The following FBXL16 variants were observed in gnomAD, a reference collection of about 807,000 sequenced individuals.
The protein encoded by FBXL16 is F-box/LRR-repeat protein 16.
Under a neutral mutation model 36.7 loss-of-function variants are expected in FBXL16, and 7 were observed. The observed-to-expected ratio is 0.19, with a 90% CI of 0.11 to 0.36. The LOEUF (loss-of-function observed/expected upper bound fraction) is 0.36. Among genes scored for constraint, FBXL16 ranks in the 10% least tolerant of loss-of-function variants. The probability of loss-of-function intolerance (pLI) is 1.00; values close to 1 mark genes in which losing one functional copy is unlikely to be tolerated. For missense variants in FBXL16, 463 were observed against 659.4 expected, an observed-to-expected ratio of 0.70 and a Z score of 3.26; for synonymous variants, 355 against 308.7, an observed-to-expected ratio of 1.15 and a Z score of -1.57.
intron 1 of FBXL16, among the ~76,000 whole-genome samples, chr16:701,087 C>T (rs1462563060): frequency 6.6e-6 from 1 of 152,192 alleles, no homozygotes; most frequent in Non-Finnish European, 1.5e-5. Flanking sequence ...TCGCGGGGCT[C>T]CTTTCCCGCC....
At chr16:700,016 C>T (rs1443477413) in intron 1 of FBXL16, among the ~76,000 whole-genome samples, 1 of 152,136 alleles carries the variant, frequency 6.6e-6, no homozygotes, top group African/African-American at 2.4e-5. Flanking sequence ...GCAGCCCATT[C>T]CCCATAATCT....
Position 694,943 on chromosome 16 carries a change from C to A in FBXL16, c.1227+49G>T, listed in dbSNP as rs199899442. ...AGTGGGGCCGGGAGCTCTCCCCGCG[C>A]CCCCACCTCCCCGCCGATCCCCCAA... On this transcript the variant is annotated intron_variant, in intron 4 of 5. Transcript: ENST00000397621. The A allele has an allele frequency of 6.3e-4, 930 of 1,486,608 alleles. 9 individuals carry two copies. The African/African-American group carries it at 0.012, about 19-fold the overall frequency. The allele number at this position is 1,486,608 out of a possible 1,614,324, so 92.1% of individuals were successfully genotyped here.
At chr16:704,471 TC>T (rs2040077303) in intron 1 of FBXL16, among the ~76,000 whole-genome samples, 1 of 152,174 alleles carries the variant, frequency 6.6e-6, no homozygotes, top group African/African-American at 2.4e-5. Context: ...TTCCCTCCCC[TC>T]CAGGCGGCTC....
At chr16:695,155 G>A (rs1490238773) in intron 3 of FBXL16, 79 bp from the exon 4 acceptor site, 1 of 1,443,548 alleles carries the variant, frequency 6.9e-7, no homozygotes, top group Admixed American at 2.0e-5. Context: ...GAGTGCCCCT[G>A]GCGTGAATCC....
intron 4 of FBXL16, 83 bp downstream of exon 4, chr16:694,909 C>A: frequency 7.1e-7 from 1 of 1,415,376 alleles, no homozygotes; most frequent in South Asian, 1.5e-5. Context: ...CAGACTCTCC[C>A]AGGATCTGAG....
At chr16:694,806 C>A (rs1186385165) in intron 4 of FBXL16, 109 bp from the exon 5 acceptor site, 1 of 1,342,270 alleles carries the variant, frequency 7.5e-7, no homozygotes, top group Admixed American at 2.0e-5. Flanking sequence ...TCCTCCGTCC[C>A]CCCCGGAGCC....
At chr16:705,088 G>A (rs911754337) in intron 1 of FBXL16, among the ~76,000 whole-genome samples, 2 of 152,202 alleles carry the variant, frequency 1.3e-5, no homozygotes, top group African/African-American at 4.8e-5. Flanking sequence ...GCCCGCCCGG[G>A]GAGGGCCGCC....
intron 4 of FBXL16, 97 bp from the exon 5 acceptor site, chr16:694,794 G>A: frequency 1.4e-6 from 2 of 1,389,410 alleles, no homozygotes; most frequent in East Asian, 2.5e-5. Context: ...CAAGCCCGGG[G>A]TTCCTCCGTC....
chr16:692,934 ACT>A lies in FBXL16; in HGVS notation c.*1339_*1340del, dbSNP rs1385116717. ...CTCTCTCACTCTCTTTCTCTCTCTC[ACT>A]CTCTGGCTCTCTGGAAACTGGTTAC... On this transcript the variant is annotated 3_prime_UTR_variant, in exon 6 of 6. Transcript: ENST00000397621. 6.7e-6 allele frequency: 1 copy of A among 149,466 alleles called. No homozygotes were observed. The highest frequency in any genetic ancestry group is 6.7e-5 in the Admixed American group (1 of 14,988). The allele number at this position is 149,466 out of a possible 1,614,324, so 9.3% of individuals were successfully genotyped here.
chr16:694,253 C>G lies in FBXL16; in HGVS notation c.*22G>C, dbSNP rs2039992874. The G allele has an allele frequency of 7.5e-7, 1 of 1,329,668 alleles. No homozygotes were observed. Among genetic ancestry groups the G allele is most frequent in the South Asian group, 2.5e-5 (1 of 40,020 alleles). The allele number at this position is 1,329,668 out of a possible 1,614,324, so 82.4% of individuals were successfully genotyped here. A position where few individuals can be genotyped will look rare whatever the true frequency, so the allele number is the denominator to read the frequency against. ...CGCCCAGGTCATGGCCGGGTTCCCG[C>G]GACCGGGGCGGGGGCCTCGCGCTAC... On this transcript the variant is annotated 3_prime_UTR_variant, in exon 6 of 6. Transcript: ENST00000397621.
At position 694,224 on chromosome 16, in the gene FBXL16, C is replaced by A; in HGVS notation, c.*51G>T. ...AGAGGGGGCTCGGCGGCGCCCCGCG[C>A]CCCCGCCCAGGTCATGGCCGGGTTC... On this transcript the variant is annotated 3_prime_UTR_variant, in exon 6 of 6. Transcript: ENST00000397621. 1.6e-6 allele frequency: 2 copies of A among 1,245,018 alleles called. No individual in the cohort carries two copies. Among genetic ancestry groups the A allele is most frequent in the Non-Finnish European group, 2.0e-6 (2 of 984,808 alleles). 77.1% of individuals were successfully genotyped at this position (1,245,018 alleles called of 1,614,324 possible).
In FBXL16 at chr16:692,936, T is replaced by G. The variant is rs1315949230; in HGVS notation, c.*1339A>C. The G allele has an allele frequency of 6.6e-6, 1 of 152,302 alleles. No individual in the cohort carries two copies. The highest frequency in any genetic ancestry group is 1.5e-5 in the Non-Finnish European group (1 of 68,060). The allele number at this position is 152,302 out of a possible 1,614,324, so 9.4% of individuals were successfully genotyped here. A position where few individuals can be genotyped will look rare whatever the true frequency, so the allele number is the denominator to read the frequency against. On this transcript the variant is annotated 3_prime_UTR_variant, in exon 6 of 6. Transcript: ENST00000397621. ...CTCTCACTCTCTTTCTCTCTCTCACTCTCTGGCTCTCTGGAAACTGGTTAC... is the reference window on the plus strand; with the variant it reads ...CTCTCACTCTCTTTCTCTCTCTCACGCTCTGGCTCTCTGGAAACTGGTTAC...
chr16:698,925 AAAAAAAAG>A lies in FBXL16; in HGVS notation c.-14-1514_-14-1507del, dbSNP rs1430577269. Among the ~76,000 whole-genome samples, 430 of 137,434 alleles carry A rather than the reference AAAAAAAAG, an allele frequency of 3.1e-3. 1 individual carries two copies. Among genetic ancestry groups the A allele is most frequent in the African/African-American group, 9.6e-3 (373 of 38,894 alleles). The allele number at this position is 137,434 out of a possible 152,430, so 90.2% of individuals were successfully genotyped here. A position where few individuals can be genotyped will look rare whatever the true frequency, so the allele number is the denominator to read the frequency against. On this transcript the variant is annotated intron_variant, in intron 1 of 5. Coordinates refer to ENST00000397621, the MANE Select transcript of FBXL16 (RefSeq NM_153350.4). ...TGAGACTTTGTCTCAAAAAAAAAAAAAAAAAAAGAAAGAAAGAAAGAAAAAGAAAAAAA... is the reference window on the plus strand; with the variant it reads ...TGAGACTTTGTCTCAAAAAAAAAAAAAAAGAAAGAAAGAAAAAGAAAAAAA...
chr16:696,944 C>G lies in FBXL16; in HGVS notation c.462G>C (p.Glu154Asp), dbSNP rs1338216379. 1 of 1,604,960 alleles carries G rather than the reference C, an allele frequency of 6.2e-7. No homozygotes were observed. The highest frequency in any genetic ancestry group is 8.5e-7 in the Non-Finnish European group (1 of 1,177,092). Residue 154 changes from glutamate to aspartate, a missense_variant, in exon 2 of 6, where the codon GAG becomes GAC. Transcript: ENST00000397621. ...AACCCTGCAGGTTCACGAACTCCTT[C>G]TCGCCACCAGGCAGCACGTTGTAGA... is the stretch of plus-strand genomic sequence containing the variant. ...KELYNVLPGG[E>D]KEFVNLQGFA...
chr16:699,170 AGTG>A (rs2040038230), intron 1 of FBXL16, among the ~76,000 whole-genome samples: 1 of 152,202 alleles, frequency 6.6e-6, no homozygotes, highest in Non-Finnish European at 1.5e-5. Context: ...TGGCCAGATA[AGTG>A]GTGAAGCCAA....
At position 697,551 on chromosome 16, in the gene FBXL16, G is replaced by T; in HGVS notation, c.-14-132C>A. On this transcript the variant is annotated intron_variant, in intron 1 of 5. Coordinates refer to ENST00000397621, the MANE Select transcript of FBXL16 (RefSeq NM_153350.4). This position sits in a 1 kb window ranked among gnomAD's most constrained non-coding sequence, Gnocchi z 4.6. ...TGCTCCCAGAACCACCAGACAGAGA[G>T]GATGGGAGTGCCTGCTTCTCCCTCC... 1 of 1,171,658 alleles carries T rather than the reference G, an allele frequency of 8.5e-7. No homozygotes were observed. The highest frequency in any genetic ancestry group is 1.2e-6 in the Non-Finnish European group (1 of 867,726). The allele number at this position is 1,171,658 out of a possible 1,614,324, so 72.6% of individuals were successfully genotyped here.
At chr16:703,629 T>G (rs990291430) in intron 1 of FBXL16, among the ~76,000 whole-genome samples, 1 of 152,144 alleles carries the variant, frequency 6.6e-6, no homozygotes. Flanking sequence ...TCCCTGCCAC[T>G]TGGCACGTGG....
chr16:695,981 A>T, intron 2 of FBXL16, 58 bp from the exon 3 acceptor site: 1 of 1,522,004 alleles, frequency 6.6e-7, no homozygotes, highest in Non-Finnish European at 8.8e-7. Context: ...GCCCGCAGGG[A>T]GGAAGCAGTA....
At chr16:694,890 G>T in intron 4 of FBXL16, 102 bp downstream of exon 4, 1 of 1,342,920 alleles carries the variant, frequency 7.4e-7, no homozygotes, top group Non-Finnish European at 1.0e-6. Context: ...GCTGGATAGG[G>T]AGGGGCCCCA....
Sources: allele counts gnomAD v4.1 joint callset (sites outside exome capture counted in the v4.1 genomes callset), GRCh38; gene constraint gnomAD v4.1.1; non-coding constraint Gnocchi (gnomAD v3.1); transcripts MANE v1.5; gene names NCBI Gene and HGNC (gene_info 2026-07-23, HGNC 2026-07-21).